The following DOCK2 variants were observed in gnomAD, a reference collection of about 807,000 sequenced individuals.
The protein encoded by DOCK2 is dedicator of cytokinesis protein 2.
Under a neutral mutation model 248.9 loss-of-function variants are expected in DOCK2, and 87 were observed. The observed-to-expected ratio is 0.35, with a 90% CI of 0.29 to 0.42. The LOEUF (loss-of-function observed/expected upper bound fraction) is 0.42. DOCK2 is among the 10% of genes least tolerant of loss of function. The probability of loss-of-function intolerance (pLI) is 1.00; values close to 1 mark genes in which losing one functional copy is unlikely to be tolerated. For synonymous variants in DOCK2, 805 were observed against 821.6 expected (o/e 0.98, Z 0.35); for missense variants, 1,747 against 2,300.2 (o/e 0.76, Z 4.92).
At chr5:169,932,205 A>T (rs1005775836) in intron 27 of DOCK2, among the ~76,000 whole-genome samples, 1 of 152,100 alleles carries the variant, frequency 6.6e-6, no homozygotes. Flanking sequence ...CATCACCTGC[A>T]CACACACACA....
intron 22 of DOCK2, among the ~76,000 whole-genome samples, chr5:169,735,536 G>A (rs530915929): frequency 5.1e-4 from 77 of 152,192 alleles, no homozygotes; most frequent in African/African-American, 1.7e-3. Context: ...CATTGCCCAC[G>A]TATTTTGTGT....
In DOCK2 at chr5:169,882,568, C is replaced by T. The variant is rs921596202; in HGVS notation, c.2799+41716C>T. ...ATCTCCTTACCCTTCAGTGAGAGCTCGAGCTTTCTCCAAGTCTTGAATTAC... is the reference window on the plus strand; with the variant it reads ...ATCTCCTTACCCTTCAGTGAGAGCTTGAGCTTTCTCCAAGTCTTGAATTAC... On this transcript the variant is annotated intron_variant, in intron 27 of 51. Transcript: ENST00000520908. The T allele has an allele frequency of 3.9e-6, 6 of 1,546,884 alleles. No homozygotes were observed. Among genetic ancestry groups the T allele is most frequent in the Admixed American group, 3.9e-5 (2 of 50,888 alleles).
At position 169,764,840 on chromosome 5, in the gene DOCK2, C is replaced by T. The variant is rs1364338669; in HGVS notation, c.2554+3215C>T. ...ACATGCTCTCCATTCTGACTTTGAA[C>T]GTGTTTGTTGTTGTTGTTGTTGTTG... On this transcript the variant is annotated intron_variant, in intron 25 of 51. Coordinates refer to ENST00000520908, the MANE Select transcript of DOCK2 (RefSeq NM_004946.3). This position sits in a 1 kb window ranked among gnomAD's most constrained non-coding sequence, Gnocchi z 4.3. 3.2e-5 allele frequency among the ~76,000 whole-genome samples: 4 copies of T among 124,706 alleles called. No individual in the cohort carries two copies. In the East Asian group the frequency reaches 6.3e-4, roughly 20 times the overall value. 81.8% of individuals were successfully genotyped at this position (124,706 alleles called of 152,430 possible). A position where few individuals can be genotyped will look rare whatever the true frequency, so the allele number is the denominator to read the frequency against.
intron 29 of DOCK2, among the ~76,000 whole-genome samples, chr5:169,993,304 G>A (rs997743104): frequency 3.9e-5 from 6 of 152,128 alleles, no homozygotes; most frequent in Non-Finnish European, 2.9e-5. Flanking sequence ...GTTTTTGTAT[G>A]GTGCTGCCTG....
At chr5:169,727,172 A>G (rs929439305) in intron 22 of DOCK2, among the ~76,000 whole-genome samples, 3 of 152,190 alleles carry the variant, frequency 2.0e-5, no homozygotes, top group African/African-American at 7.2e-5. Context: ...TAGAACTTCC[A>G]ATGACTCCTG....
intron 44 of DOCK2, among the ~76,000 whole-genome samples, chr5:170,059,810 C>T (rs150220453): frequency 2.8e-4 from 43 of 152,262 alleles, no homozygotes; most frequent in Admixed American, 9.8e-4. Flanking sequence ...ATAAACTCAG[C>T]GTTTTGAAGT....
At chr5:169,708,296 T>G in intron 15 of DOCK2, 29 bp downstream of exon 15, 1 of 1,596,128 alleles carries the variant, frequency 6.3e-7, no homozygotes, top group Non-Finnish European at 8.6e-7. Context: ...AGCAAACACA[T>G]GTCTAGTTCT....
At chr5:169,864,156 C>T (rs972215203) in intron 27 of DOCK2, 30 of 922,164 alleles carry the variant, frequency 3.3e-5, no homozygotes, top group Non-Finnish European at 4.8e-5. Flanking sequence ...TTTCACAGGC[C>T]AAGGGGCTCA....
chr5:169,819,652 A>G (rs155071), intron 26 of DOCK2, among the ~76,000 whole-genome samples: 87,522 of 151,956 alleles, frequency 0.58, 26,136 homozygotes, highest in African/African-American at 0.71. Context: ...GTTCCAAGAT[A>G]GCCGAATAGG....
chr5:169,973,760 T>C (rs957579439), intron 27 of DOCK2, among the ~76,000 whole-genome samples: 6 of 152,198 alleles, frequency 3.9e-5, no homozygotes, highest in South Asian at 4.1e-4. Flanking sequence ...CCATAGAGAA[T>C]AGTCATTAAG....
intron 27 of DOCK2, among the ~76,000 whole-genome samples, chr5:169,926,058 G>C (rs1011904900): frequency 6.6e-6 from 1 of 152,190 alleles, no homozygotes; most frequent in South Asian, 2.1e-4. Context: ...CCATTGCTTA[G>C]AGCTGAGCTT....
At chr5:169,772,274 G>T (rs2113773610) in intron 25 of DOCK2, among the ~76,000 whole-genome samples, 1 of 152,348 alleles carries the variant, frequency 6.6e-6, no homozygotes, top group East Asian at 1.9e-4. Flanking sequence ...TGGGAATTAT[G>T]TGCCAAGGCA....
chr5:169,699,864 A>T, intron 12 of DOCK2, 150 bp from the exon 13 acceptor site: 1 of 1,135,280 alleles, frequency 8.8e-7, no homozygotes, highest in Non-Finnish European at 1.2e-6. Flanking sequence ...CGCCTGTTCC[A>T]GAGGCCCTGT....
chr5:169,785,831 A>G (rs1765952853), intron 25 of DOCK2, among the ~76,000 whole-genome samples: 1 of 152,090 alleles, frequency 6.6e-6, no homozygotes, highest in Admixed American at 6.5e-5. Context: ...TTTTTTGTGG[A>G]ATGCTCCTTC....
At chr5:169,816,562 G>A (rs897615539) in intron 26 of DOCK2, among the ~76,000 whole-genome samples, 1 of 152,166 alleles carries the variant, frequency 6.6e-6, no homozygotes, top group East Asian at 1.9e-4. Context: ...TCTGCCTGCA[G>A]TTTACATTCT....
intron 41 of DOCK2, among the ~76,000 whole-genome samples, chr5:170,053,406 G>A (rs373494616): frequency 9.0e-4 from 137 of 152,338 alleles, no homozygotes; most frequent in African/African-American, 3.1e-3. Context: ...AAAAATGCGC[G>A]GGTATTGCTG....
chr5:169,825,895 G>T (rs969374546), intron 26 of DOCK2, among the ~76,000 whole-genome samples: 12 of 151,604 alleles, frequency 7.9e-5, no homozygotes, highest in Non-Finnish European at 1.8e-4. Context: ...ACACCCTCTT[G>T]GTTATATGGT....
intron 27 of DOCK2, among the ~76,000 whole-genome samples, chr5:169,847,591 C>T (rs1197921500): frequency 6.6e-6 from 1 of 152,124 alleles, no homozygotes; most frequent in East Asian, 1.9e-4. Flanking sequence ...ATAAACTATA[C>T]CATATTTGAA....
At chr5:169,826,908 A>G (rs1214530914) in intron 26 of DOCK2, among the ~76,000 whole-genome samples, 1 of 151,772 alleles carries the variant, frequency 6.6e-6, no homozygotes, top group African/African-American at 2.4e-5. Context: ...TTCCTTTACT[A>G]TGTGGTTCTT....
Sources: allele counts gnomAD v4.1 joint callset (sites outside exome capture counted in the v4.1 genomes callset), GRCh38; gene constraint gnomAD v4.1.1; non-coding constraint Gnocchi (gnomAD v3.1); transcripts MANE v1.5; gene names NCBI Gene and HGNC (gene_info 2026-07-23, HGNC 2026-07-21).